Variants in SALL3 observed in about 807,000 individuals in gnomAD.
SALL3 encodes spalt like transcription factor 3.
SALL3 carries 25 observed loss-of-function variants against 66.2 expected under a neutral mutation model. The ratio of observed to expected loss-of-function variants is 0.38; its 90% CI spans 0.28 to 0.53. The LOEUF (loss-of-function observed/expected upper bound fraction) is 0.53, where lower values mean the gene tolerates loss of function less well. SALL3 is among the 20% of genes least tolerant of loss of function. The pLI is 0.85. For synonymous variants in SALL3, 1,152 were observed against 899.1 expected (o/e 1.28, Z -5.03); for missense variants, 2,194 against 1,916.5 (o/e 1.14, Z -2.70).
In SALL3 at chr18:78,980,365, CG is replaced by C; in HGVS notation, c.82+13del. On this transcript the variant is annotated intron_variant, in intron 1 of 2. Coordinates refer to ENST00000537592, the MANE Select transcript of SALL3 (RefSeq NM_171999.4). ...CGGGGCTCCCGAGCACGGTGAGGGC[CG>C]GGGCTGCGGGGTGGCCGGGGGGTCT... The C allele has an allele frequency of 1.4e-6, 2 of 1,404,948 alleles. No individual in the cohort carries two copies. The highest frequency in any genetic ancestry group is 3.2e-5 in the East Asian group (1 of 31,430). The allele number at this position is 1,404,948 out of a possible 1,614,324, so 87.0% of individuals were successfully genotyped here. A position where few individuals can be genotyped will look rare whatever the true frequency, so the allele number is the denominator to read the frequency against.
Position 78,992,685 on chromosome 18 carries a change from C to G in SALL3, c.694C>G (p.Leu232Val), listed in dbSNP as rs1398651129. ...LIEQIRSQVA[L>V]MQRPPPRPSL... ...CGAGCAGATCCGCAGCCAGGTGGCCCTCATGCAGCGCCCGCCGCCGCGGCC... is the reference window on the plus strand; with the variant it reads ...CGAGCAGATCCGCAGCCAGGTGGCCGTCATGCAGCGCCCGCCGCCGCGGCC... The change falls in exon 2 of 3, where the codon CTC becomes GTC. Residue 232 changes from leucine (L) to valine (V), a missense_variant. Transcript: ENST00000537592. 2 of 1,526,828 alleles carry G rather than the reference C, an allele frequency of 1.3e-6. No homozygotes were observed. Among genetic ancestry groups the G allele is most frequent in the South Asian group, 1.2e-5 (1 of 86,734 alleles). 94.6% of individuals were successfully genotyped at this position (1,526,828 alleles called of 1,614,324 possible). A position where few individuals can be genotyped will look rare whatever the true frequency, so the allele number is the denominator to read the frequency against.
Position 78,993,059 on chromosome 18 carries a change from C to G in SALL3, c.1068C>G (p.Pro356=). 4 of 1,589,360 alleles carry G rather than the reference C, an allele frequency of 2.5e-6. No homozygotes were observed. The highest frequency in any genetic ancestry group is 2.6e-6 in the Non-Finnish European group (3 of 1,173,796). ...CGGGGTCCCTGCTGGGTGCGGCGCC[C>G]GGCCTGCCAAGTCCGCTTCTACCTC... ...LAPGSLLGAA[P]GLPSPLLPQT... The change falls in exon 2 of 3, where the codon CCC becomes CCG. Residue 356 remains proline (P), a synonymous_variant. Transcript: ENST00000537592.
chr18:78,995,510 C>T (rs371825257), intron 2 of SALL3, 48 bp downstream of exon 2: 69 of 1,496,786 alleles, frequency 4.6e-5, no homozygotes, highest in African/African-American at 4.3e-4. Context: ...GGCCGAGCCA[C>T]GGTGGCTTTC....
chr18:78,994,678 T>TGTCCGA lies in SALL3; in HGVS notation c.2692_2697dup (p.Glu898_Ser899dup), dbSNP rs1555707567. On this transcript the variant is annotated inframe_insertion, in exon 2 of 3. Transcript: ENST00000537592. ...AGCCGCAGCGCGGGCAGCCCCGCCC[T>TGTCCGA]GTCCGAGTCCTCGTCCTCGCAGGCC... 6 of 1,608,630 alleles carry TGTCCGA rather than the reference T, an allele frequency of 3.7e-6. No homozygotes were observed. Among genetic ancestry groups the TGTCCGA allele is most frequent in the East Asian group, 2.2e-5 (1 of 44,852 alleles).
rs1333080464 is a variant in SALL3 at position 78,980,140 on chromosome 18, G to A, written c.-135G>A. Reference sequence around the variant, plus strand: ...CATTATTCACCAGCCTAATTGCTCAGCCCCATGCGCGGCCCGCGCAGCCGC... The same window carrying A: ...CATTATTCACCAGCCTAATTGCTCAACCCCATGCGCGGCCCGCGCAGCCGC... On this transcript the variant is annotated 5_prime_UTR_variant, in exon 1 of 3. Transcript: ENST00000537592. The A allele has an allele frequency of 6.2e-6, 1 of 160,556 alleles. No homozygotes were observed. The highest frequency in any genetic ancestry group is 2.4e-5 in the African/African-American group (1 of 40,942). The allele number at this position is 160,556 out of a possible 1,614,324, so 9.9% of individuals were successfully genotyped here. A position where few individuals can be genotyped will look rare whatever the true frequency, so the allele number is the denominator to read the frequency against.
Position 78,992,902 on chromosome 18 carries a change from GCCCTGCGGAGCCCAGCGCGCCCGCCGC to G in SALL3, c.915_941del (p.Ala306_Pro314del), listed in dbSNP as rs1914507732. Reference sequence around the variant, plus strand: ...GAGTCTGGCGCCAGCACCCCCGGCGGCCCTGCGGAGCCCAGCGCGCCCGCCGCCCCCAGCGCCGCCCCTGCCCCCGCT... The same window carrying G: ...GAGTCTGGCGCCAGCACCCCCGGCGGCCCCAGCGCCGCCCCTGCCCCCGCT... On this transcript the variant is annotated inframe_deletion, in exon 2 of 3. Transcript: ENST00000537592. The G allele has an allele frequency of 2.0e-6, 2 of 984,450 alleles. No individual in the cohort carries two copies. Among genetic ancestry groups the G allele is most frequent in the Non-Finnish European group, 2.4e-6 (2 of 831,298 alleles). 61.0% of individuals were successfully genotyped at this position (984,450 alleles called of 1,614,324 possible).
chr18:78,994,705 T>G lies in SALL3; in HGVS notation c.2714T>G (p.Leu905Arg). 6.2e-7 allele frequency: 1 copy of G among 1,605,242 alleles called. No individual in the cohort carries two copies. The highest frequency in any genetic ancestry group is 8.5e-7 in the Non-Finnish European group (1 of 1,179,380). ...TCCGAGTCCTCGTCCTCGCAGGCCCTGTCGCCGGCCCCCAGCAATGGTGAG... is the reference window on the plus strand; with the variant it reads ...TCCGAGTCCTCGTCCTCGCAGGCCCGGTCGCCGGCCCCCAGCAATGGTGAG... ...ALSESSSSQA[L>R]SPAPSNGESF... The change falls in exon 2 of 3, where the codon CTG (leucine) becomes CGG (arginine). Residue 905 changes from leucine to arginine, a missense_variant. Transcript: ENST00000537592.
At chr18:78,996,127 C>T (rs1270789886) in intron 2 of SALL3, among the ~76,000 whole-genome samples, 1 of 152,196 alleles carries the variant, frequency 6.6e-6, no homozygotes, top group Non-Finnish European at 1.5e-5. Context: ...ATGGGAGGGG[C>T]GCTGGGTGAG....
rs923229377 is a variant in SALL3 at position 78,992,373 on chromosome 18, GAGA to G, written c.385_387del (p.Lys129del). On this transcript the variant is annotated inframe_deletion, in exon 2 of 3. Transcript: ENST00000537592. ...CGCGGAGGGCGAGGCCAGGCCGGTG[GAGA>G]AGGAGGCCGAGCCCATGGACGCGGA... 1.0e-4 allele frequency: 136 copies of G among 1,334,564 alleles called. No individual in the cohort carries two copies. Among genetic ancestry groups the G allele is most frequent in the South Asian group, 1.2e-4 (7 of 56,110 alleles). The allele number at this position is 1,334,564 out of a possible 1,614,324, so 82.7% of individuals were successfully genotyped here.
intron 1 of SALL3, among the ~76,000 whole-genome samples, chr18:78,986,061 AAG>A (rs1914235827): frequency 6.6e-6 from 1 of 152,206 alleles, no homozygotes; most frequent in Non-Finnish European, 1.5e-5. Flanking sequence ...ATCTAAATGA[AAG>A]AACTATTGTG....
intron 2 of SALL3, 122 bp from the exon 3 acceptor site, chr18:78,996,769 T>G: frequency 2.1e-6 from 2 of 943,858 alleles, no homozygotes; most frequent in Non-Finnish European, 3.1e-6. Context: ...TCCACCTGTG[T>G]TTTGTTGTCC....
chr18:78,988,558 T>A (rs1256529171), intron 1 of SALL3, among the ~76,000 whole-genome samples: 1 of 152,260 alleles, frequency 6.6e-6, no homozygotes, highest in Admixed American at 6.5e-5. Context: ...TGCTTACTAT[T>A]GTTTAATAAC....
In SALL3 at chr18:78,998,227, CTT is replaced by C. The variant is rs926008738; in HGVS notation, c.*906_*907del. 11 of 152,122 alleles carry C rather than the reference CTT, an allele frequency of 7.2e-5. No homozygotes were observed. The highest frequency in any genetic ancestry group is 2.7e-4 in the African/African-American group (11 of 41,342). The allele number at this position is 152,122 out of a possible 1,614,324, so 9.4% of individuals were successfully genotyped here. On this transcript the variant is annotated 3_prime_UTR_variant, in exon 3 of 3. Coordinates refer to ENST00000537592, the MANE Select transcript of SALL3 (RefSeq NM_171999.4). ...TGTTTGTATAATGTGGTTGCAAACT[CTT>C]AATTTATACTATTGCACTTTTAGTA...
intron 2 of SALL3, 72 bp downstream of exon 2, chr18:78,995,534 G>A (rs1302997979): frequency 1.3e-6 from 2 of 1,482,758 alleles, no homozygotes; most frequent in African/African-American, 1.4e-5. Flanking sequence ...ATCACCTGCC[G>A]CAGACACAGC....
rs1470628178 is a variant in SALL3 at position 78,980,366 on chromosome 18, G to A, written c.82+10G>A. 4 of 1,404,240 alleles carry A rather than the reference G, an allele frequency of 2.8e-6. No individual in the cohort carries two copies. The highest frequency in any genetic ancestry group is 3.7e-6 in the Non-Finnish European group (4 of 1,070,174). The allele number at this position is 1,404,240 out of a possible 1,614,324, so 87.0% of individuals were successfully genotyped here. On this transcript the variant is annotated intron_variant, in intron 1 of 2. Coordinates refer to ENST00000537592, the MANE Select transcript of SALL3 (RefSeq NM_171999.4). ...GGGGCTCCCGAGCACGGTGAGGGCC[G>A]GGGCTGCGGGGTGGCCGGGGGGTCT...
At position 78,994,215 on chromosome 18, in the gene SALL3, C is replaced by T. The variant is rs1914591329; in HGVS notation, c.2224C>T (p.Pro742Ser). The change falls in exon 2 of 3, where the codon CCC (proline) becomes TCC (serine). Residue 742 changes from proline (P) to serine (S), a missense_variant. Transcript: ENST00000537592. The part of the protein sequence containing the change: ...KPPLRVQHSC[P>S]ICQKKFTNAV... ...GCCCCTGCGCGTGCAGCACTCCTGC[C>T]CCATCTGCCAGAAGAAGTTCACCAA... The T allele has an allele frequency of 2.5e-6, 4 of 1,613,646 alleles. No individual in the cohort carries two copies. The African/African-American group carries it at 5.3e-5, about 21-fold the overall frequency.
intron 1 of SALL3, among the ~76,000 whole-genome samples, chr18:78,984,484 C>A (rs1209123000): frequency 6.6e-6 from 1 of 151,920 alleles, no homozygotes; most frequent in Admixed American, 6.6e-5. Context: ...TCAGTAGTTG[C>A]CAGAATAAGA....
chr18:78,981,038 C>G (rs1319833895), intron 1 of SALL3, among the ~76,000 whole-genome samples: 2 of 152,268 alleles, frequency 1.3e-5, no homozygotes, highest in African/African-American at 4.8e-5. Flanking sequence ...CTGCGCGGGC[C>G]TTTTCTCTCC....
intron 1 of SALL3, chr18:78,991,863 C>T (rs987798951): frequency 2.3e-6 from 1 of 433,432 alleles, no homozygotes; most frequent in African/African-American, 2.0e-5. Flanking sequence ...GAAGCAGGAT[C>T]CACAATTGAT....
Sources: allele counts gnomAD v4.1 joint callset (sites outside exome capture counted in the v4.1 genomes callset), GRCh38; gene constraint gnomAD v4.1.1; transcripts MANE v1.5; gene names NCBI Gene and HGNC (gene_info 2026-07-23, HGNC 2026-07-21).